The following SPATA6 variants were observed in gnomAD, a reference collection of about 807,000 sequenced individuals.
SPATA6 encodes spermatogenesis-associated protein 6.
In SPATA6, 56 loss-of-function variants were observed where a neutral mutation model predicts 65.3. That is an observed-to-expected ratio of 0.86 (90% CI 0.69 to 1.07). The LOEUF is 1.07. Among genes scored for constraint, SPATA6 ranks in the 50% least tolerant of loss-of-function variants. The pLI is 0.00. For synonymous variants in SPATA6, 199 were observed against 213.2 expected (o/e 0.93, Z 0.58); for missense variants, 590 against 594.8 (o/e 0.99, Z 0.08).
In SPATA6 at chr1:48,296,834, G is replaced by C. The variant is rs1314048130; in HGVS notation, c.*1879C>G. The C allele has an allele frequency of 2.0e-5, 3 of 152,098 alleles. No homozygotes were observed. The highest frequency in any genetic ancestry group is 7.2e-5 in the African/African-American group (3 of 41,394). 9.4% of individuals were successfully genotyped at this position (152,098 alleles called of 1,614,324 possible). On this transcript the variant is annotated 3_prime_UTR_variant, in exon 13 of 13. Transcript: ENST00000371847. ...GTGTGAGGAGCTAGGGGAATGGGGG[G>C]TGGTGGCAAGAATAACAAATAGTGG...
At chr1:48,273,348 AT>A in the SPATA6 span, among the ~76,000 whole-genome samples, 27 of 151,826 alleles carry the variant, frequency 1.8e-4, no homozygotes, top group Non-Finnish European at 2.5e-4. Flanking sequence ...GCCAAACATC[AT>A]TTTTTTTATT....
the SPATA6 span, among the ~76,000 whole-genome samples, chr1:48,287,965 G>A: frequency 6.6e-6 from 1 of 152,116 alleles, no homozygotes; most frequent in Non-Finnish European, 1.5e-5. Flanking sequence ...TTATTGTGTT[G>A]AAATAAGTTT....
intron 9 of SPATA6, 87 bp downstream of exon 9, chr1:48,385,222 C>T: frequency 9.1e-7 from 1 of 1,100,752 alleles, no homozygotes. Context: ...TTTGATAATC[C>T]CTATCTGATA....
chr1:48,340,241 T>TAAAA (rs58721253), intron 11 of SPATA6, among the ~76,000 whole-genome samples: 2 of 53,056 alleles, frequency 3.8e-5, no homozygotes, highest in African/African-American at 3.4e-4. Context: ...AGGCCTGCAC[T>TAAAA]AAAAAAAAAA....
intron 11 of SPATA6, among the ~76,000 whole-genome samples, chr1:48,324,820 A>G (rs1570125275): frequency 2.6e-5 from 4 of 152,298 alleles, no homozygotes; most frequent in Admixed American, 2.6e-4. Flanking sequence ...CTGTTATTCA[A>G]TATAGCACTG....
chr1:48,291,624 C>A (rs541398998), downstream of SPATA6, among the ~76,000 whole-genome samples: 1 of 152,300 alleles, frequency 6.6e-6, no homozygotes, highest in Admixed American at 6.5e-5. Context: ...GAGTTTATTT[C>A]CAGGCAGCCA....
intron 11 of SPATA6, among the ~76,000 whole-genome samples, chr1:48,333,128 C>A (rs1645962154): frequency 6.6e-6 from 1 of 152,068 alleles, no homozygotes; most frequent in Non-Finnish European, 1.5e-5. Flanking sequence ...GAGACCCATC[C>A]TCAAGAAGAC....
intron 3 of SPATA6, chr1:48,448,112 A>C (rs1190307648): frequency 6.6e-6 from 1 of 152,024 alleles, no homozygotes; most frequent in Non-Finnish European, 1.5e-5. Context: ...AATAAAAAAA[A>C]TTAGCTGGCA....
At chr1:48,277,787 C>A in the SPATA6 span, among the ~76,000 whole-genome samples, 2 of 152,236 alleles carry the variant, frequency 1.3e-5, no homozygotes, top group Admixed American at 6.5e-5. Context: ...GTAACCTCTG[C>A]AGACTTAAAT....
intron 9 of SPATA6, among the ~76,000 whole-genome samples, chr1:48,369,193 T>C (rs1161765695): frequency 6.6e-6 from 1 of 152,178 alleles, no homozygotes; most frequent in Non-Finnish European, 1.5e-5. Flanking sequence ...GAGGTGTCAG[T>C]CTGCCCCTAC....
At chr1:48,288,359 G>A in the SPATA6 span, among the ~76,000 whole-genome samples, 65 of 152,286 alleles carry the variant, frequency 4.3e-4, no homozygotes, top group South Asian at 5.8e-3. Context: ...TTAAGAAGCC[G>A]AGAGAATTCC....
chr1:48,469,718 G>C (rs1658087625), intron 1 of SPATA6, among the ~76,000 whole-genome samples: 1 of 151,806 alleles, frequency 6.6e-6, no homozygotes, highest in Admixed American at 6.6e-5. Context: ...AAAATATCTA[G>C]GGTCATATAA....
chr1:48,292,419 TG>T (rs1244432238), downstream of SPATA6, among the ~76,000 whole-genome samples: 2 of 152,242 alleles, frequency 1.3e-5, no homozygotes, highest in African/African-American at 4.8e-5. Flanking sequence ...TGAGGGCTGC[TG>T]GGGTCCTTAG....
In SPATA6 at chr1:48,453,116, C is replaced by T. The variant is rs201042074; in HGVS notation, c.67G>A (p.Val23Ile). The change falls in exon 2 of 13, where the codon GTC becomes ATC. Residue 23 changes from valine (V) to isoleucine (I), a missense_variant. Transcript: ENST00000371847. The stretch of plus-strand genomic sequence containing the variant: ...ATGTCCTCTTTGTCTTTAAGCACGA[C>T]TCCTGGGCAAGTTACCTGAAAGAAA... ...LEISSVTCPG[V>I]VLKDKEDIYL... The T allele has an allele frequency of 8.2e-5, 132 of 1,610,730 alleles. No individual in the cohort carries two copies. Among genetic ancestry groups the T allele is most frequent in the Non-Finnish European group, 1.1e-4 (129 of 1,178,992 alleles).
At chr1:48,341,671 A>T (rs1305181227) in intron 11 of SPATA6, among the ~76,000 whole-genome samples, 5 of 152,190 alleles carry the variant, frequency 3.3e-5, no homozygotes, top group Non-Finnish European at 5.9e-5. Context: ...ATGGTTTCTG[A>T]GAGTGCTATA....
chr1:48,299,516 GAA>G lies in SPATA6; in HGVS notation c.1287-625_1287-624del, dbSNP rs58072004. 5.4e-3 allele frequency among the ~76,000 whole-genome samples: 205 copies of G among 38,190 alleles called. 1 individual carries two copies. The East Asian group carries it at 0.061, about 11-fold the overall frequency. 25.1% of individuals were successfully genotyped at this position (38,190 alleles called of 152,430 possible). ...ACAACAAGAGCAAAACTCCGTCTCG[GAA>G]AAAAAAAAAAAAAAAAAAAGAATGC... On this transcript the variant is annotated intron_variant, in intron 12 of 12. Coordinates refer to ENST00000371847, the MANE Select transcript of SPATA6 (RefSeq NM_019073.4).
intron 11 of SPATA6, among the ~76,000 whole-genome samples, chr1:48,334,101 A>C (rs985519614): frequency 6.6e-6 from 1 of 152,194 alleles, no homozygotes; most frequent in Non-Finnish European, 1.5e-5. Context: ...ATCTGTGAAC[A>C]GACCAATAAC....
chr1:48,445,811 A>T (rs2148129819), intron 3 of SPATA6, among the ~76,000 whole-genome samples: 1 of 152,266 alleles, frequency 6.6e-6, no homozygotes, highest in South Asian at 2.1e-4. Context: ...AAAGTATGGA[A>T]CACAGACCTC....
intron 11 of SPATA6, among the ~76,000 whole-genome samples, chr1:48,341,652 G>GA (rs949096961): frequency 3.9e-5 from 6 of 152,074 alleles, no homozygotes; most frequent in Admixed American, 3.3e-4. Context: ...GACTTGGAAA[G>GA]AAAAAAACAT....
Sources: allele counts gnomAD v4.1 joint callset (sites outside exome capture counted in the v4.1 genomes callset), GRCh38; gene constraint gnomAD v4.1.1; transcripts MANE v1.5; gene names NCBI Gene and HGNC (gene_info 2026-07-23, HGNC 2026-07-21).